The following NDST1 variants were observed in gnomAD, a reference collection of about 807,000 sequenced individuals.
NDST1 encodes N-deacetylase and N-sulfotransferase 1.
In NDST1, 35 loss-of-function variants were observed where a neutral mutation model predicts 92.8. The observed-to-expected ratio is 0.38, with a 90% CI of 0.29 to 0.50. The LOEUF (loss-of-function observed/expected upper bound fraction) is 0.50, where lower values mean the gene tolerates loss of function less well. Among genes scored for constraint, NDST1 ranks in the 20% least tolerant of loss-of-function variants. The probability of loss-of-function intolerance (pLI) is 0.94; values close to 1 mark genes in which losing one functional copy is unlikely to be tolerated. For synonymous variants in NDST1, 493 were observed against 500.3 expected (o/e 0.99, Z 0.19); for missense variants, 822 against 1,182.7 (o/e 0.69, Z 4.47).
intron 3 of NDST1, among the ~76,000 whole-genome samples, chr5:150,528,703 G>C (rs1261154592): frequency 1.3e-5 from 2 of 152,222 alleles, no homozygotes; most frequent in African/African-American, 4.8e-5. Context: ...GCTGAGGCAG[G>C]AGAATCGCTT....
intron 2 of NDST1, 134 bp from the exon 3 acceptor site, chr5:150,527,670 G>A: frequency 7.7e-7 from 1 of 1,294,540 alleles, no homozygotes; most frequent in East Asian, 2.5e-5. Context: ...GGAGCGCAGG[G>A]CCAGGGTGGT....
At chr5:150,528,367 A>T in intron 3 of NDST1, 69 bp downstream of exon 3, 1 of 1,521,212 alleles carries the variant, frequency 6.6e-7, no homozygotes, top group Non-Finnish European at 8.9e-7. Context: ...CAGGTGCCCC[A>T]TCGTGGGTGT....
At chr5:150,517,668 C>A (rs144173276) in intron 1 of NDST1, among the ~76,000 whole-genome samples, 1 of 152,186 alleles carries the variant, frequency 6.6e-6, no homozygotes, top group Non-Finnish European at 1.5e-5. Flanking sequence ...CTCTGGCAAC[C>A]GTGTGCATTT....
chr5:150,549,549 G>T, intron 12 of NDST1, 129 bp from the exon 13 acceptor site: 2 of 702,016 alleles, frequency 2.8e-6, no homozygotes. Flanking sequence ...TTCAACAGGG[G>T]AGGAGGAGCC....
intron 6 of NDST1, among the ~76,000 whole-genome samples, chr5:150,536,222 A>G (rs956632709): frequency 9.9e-5 from 15 of 152,124 alleles, no homozygotes; most frequent in African/African-American, 3.6e-4. Context: ...CTGATGGCTC[A>G]CACCTGTAAT....
chr5:150,534,122 G>T (rs1386875985), intron 4 of NDST1, among the ~76,000 whole-genome samples: 1 of 148,398 alleles, frequency 6.7e-6, no homozygotes, highest in Non-Finnish European at 1.5e-5. Context: ...TTAGAGACGG[G>T]ACCTCTCTCT....
upstream of NDST1, among the ~76,000 whole-genome samples, chr5:150,505,363 C>G (rs750028586): frequency 6.6e-6 from 1 of 152,172 alleles, no homozygotes; most frequent in Admixed American, 6.5e-5. Flanking sequence ...GGTGGGTTTT[C>G]TGTTATCTGT....
intron 1 of NDST1, among the ~76,000 whole-genome samples, chr5:150,503,059 T>G (rs1753301898): frequency 6.6e-6 from 1 of 152,054 alleles, no homozygotes; most frequent in African/African-American, 2.4e-5. Flanking sequence ...ACATAACCTC[T>G]CTGAGCCTCA....
intron 4 of NDST1, among the ~76,000 whole-genome samples, 168 bp downstream of exon 4, chr5:150,533,200 A>G (rs2273229): frequency 0.39 from 59,368 of 152,050 alleles, 11,988 homozygotes; most frequent in Admixed American, 0.43. Context: ...AGCAGTCACA[A>G]CCCAGGCAGA....
chr5:150,535,075 G>A, intron 5 of NDST1, 54 bp downstream of exon 5: 2 of 1,573,936 alleles, frequency 1.3e-6, no homozygotes, highest in East Asian at 4.7e-5. Context: ...CTGGGCTGGA[G>A]GTCCAGACTG....
intron 1 of NDST1, among the ~76,000 whole-genome samples, chr5:150,517,080 A>G (rs940949180): frequency 1.3e-5 from 2 of 151,948 alleles, no homozygotes; most frequent in Non-Finnish European, 2.9e-5. Flanking sequence ...GAAGATACAG[A>G]TATTTCCCAT....
chr5:150,503,584 C>A (rs1251378455), upstream of NDST1, among the ~76,000 whole-genome samples: 2 of 152,138 alleles, frequency 1.3e-5, no homozygotes, highest in Non-Finnish European at 2.9e-5. Context: ...TGGGAGGAAC[C>A]GTGGGAGGTT....
chr5:150,517,801 G>A (rs1190210522), intron 1 of NDST1, among the ~76,000 whole-genome samples: 2 of 152,354 alleles, frequency 1.3e-5, no homozygotes, highest in Admixed American at 1.3e-4. Context: ...ATCTGATAGA[G>A]GGTCACTGAC....
chr5:150,521,341 C>A lies in NDST1; in HGVS notation c.87C>A (p.Phe29Leu), dbSNP rs747928567. Residue 29 changes from phenylalanine (F) to leucine (L), a missense_variant, in exon 2 of 15, where the codon TTC becomes TTA. Physicochemically the swap from Phe to Leu is conservative, Grantham distance 22 (BLOSUM62 0). Coordinates refer to ENST00000261797, the MANE Select transcript of NDST1 (RefSeq NM_001543.5). The surrounding 1 kb of genome is among the most constrained non-coding windows in gnomAD (Gnocchi z 5.9). ...TCCTGCTGTTCATCTTCTGCCTGTT[C>A]AGCGTTTTCATCTCGGCCTACTACC... ...VLFLLFIFCL[F>L]SVFISAYYLY... 2 of 1,613,538 alleles carry A rather than the reference C, an allele frequency of 1.2e-6. No homozygotes were observed. Among genetic ancestry groups the A allele is most frequent in the Non-Finnish European group, 1.7e-6 (2 of 1,179,914 alleles).
intron 1 of NDST1, among the ~76,000 whole-genome samples, chr5:150,510,191 G>A (rs1200933991): frequency 1.3e-5 from 2 of 152,206 alleles, no homozygotes; most frequent in African/African-American, 4.8e-5. Flanking sequence ...CTCTTTCAGG[G>A]TGTTAGGATT....
intron 2 of NDST1, among the ~76,000 whole-genome samples, chr5:150,523,887 G>A (rs1169127151): frequency 6.6e-6 from 1 of 152,190 alleles, no homozygotes; most frequent in Non-Finnish European, 1.5e-5. Context: ...CCTAGGACAA[G>A]ACTATCCTTG....
chr5:150,533,161 C>A, intron 4 of NDST1, 129 bp downstream of exon 4: 1 of 919,582 alleles, frequency 1.1e-6, no homozygotes, highest in Non-Finnish European at 1.8e-6. Context: ...GGTGACCCCT[C>A]TGCCCCCGTG....
In NDST1 at chr5:150,553,176, T is replaced by G. The variant is rs1383463139; in HGVS notation, c.2530-37T>G. On this transcript the variant is annotated intron_variant, in intron 14 of 14. Coordinates refer to ENST00000261797, the MANE Select transcript of NDST1 (RefSeq NM_001543.5). This position sits in a 1 kb window ranked among gnomAD's most constrained non-coding sequence, Gnocchi z 4.2. ...ATTTTTAGAGGAGGTCACTCTTAAGTCAGTACACAAGGTCTGAGCTTTCCT... is the reference window on the plus strand; with the variant it reads ...ATTTTTAGAGGAGGTCACTCTTAAGGCAGTACACAAGGTCTGAGCTTTCCT... 1.2e-6 allele frequency: 2 copies of G among 1,605,792 alleles called. No individual in the cohort carries two copies. The highest frequency in any genetic ancestry group is 2.2e-5 in the South Asian group (2 of 90,864).
rs1418767156 is a variant in NDST1 at position 150,556,451 on chromosome 5, G to T, written c.*3119G>T. On this transcript the variant is annotated 3_prime_UTR_variant, in exon 15 of 15. Transcript: ENST00000261797. ...GCTGCTGCGCTGACCTGCAGAGGTT[G>T]GTGGTCCCAGCACAGAGCTGTGCCC... The T allele has an allele frequency of 6.6e-6, 1 of 152,240 alleles. No individual in the cohort carries two copies. Among genetic ancestry groups the T allele is most frequent in the East Asian group, 1.9e-4 (1 of 5,194 alleles). The allele number at this position is 152,240 out of a possible 1,614,324, so 9.4% of individuals were successfully genotyped here. A position where few individuals can be genotyped will look rare whatever the true frequency, so the allele number is the denominator to read the frequency against.
Sources: allele counts gnomAD v4.1 joint callset (sites outside exome capture counted in the v4.1 genomes callset), GRCh38; gene constraint gnomAD v4.1.1; non-coding constraint Gnocchi (gnomAD v3.1); transcripts MANE v1.5; gene names NCBI Gene and HGNC (gene_info 2026-07-23, HGNC 2026-07-21).